Variants in ADAM23 observed in about 807,000 individuals in gnomAD.
The protein encoded by ADAM23 is ADAM metallopeptidase domain 23.
ADAM23 carries 33 observed loss-of-function variants against 120.1 expected under a neutral mutation model. The ratio of observed to expected loss-of-function variants is 0.27; its 90% CI spans 0.21 to 0.37. ADAM23 has a LOEUF of 0.37. Among genes scored for constraint, ADAM23 ranks in the 10% least tolerant of loss-of-function variants. ADAM23 has a pLI of 1.00. For missense variants in ADAM23, 862 were observed against 1,058.2 expected, an observed-to-expected ratio of 0.81 and a Z score of 2.57; for synonymous variants, 367 against 375.2, an observed-to-expected ratio of 0.98 and a Z score of 0.25.
chr2:206,467,691 A>G (rs372524654), intron 2 of ADAM23, among the ~76,000 whole-genome samples: 2 of 152,162 alleles, frequency 1.3e-5, no homozygotes, highest in Admixed American at 6.5e-5. Flanking sequence ...TCACAGCTCA[A>G]CTAGGCAGTA....
At chr2:206,608,747 C>A (rs576402264) in intron 24 of ADAM23, among the ~76,000 whole-genome samples, 1 of 152,044 alleles carries the variant, frequency 6.6e-6, no homozygotes, top group African/African-American at 2.4e-5. Context: ...CGAATAAAAA[C>A]ACATTATGCA....
intron 21 of ADAM23, among the ~76,000 whole-genome samples, chr2:206,590,317 T>C (rs1216298719): frequency 6.6e-6 from 1 of 152,112 alleles, no homozygotes; most frequent in African/African-American, 2.4e-5. Flanking sequence ...AGGCTGGTAT[T>C]GAACTCCTGG....
Position 206,573,111 on chromosome 2 carries a change from G to C in ADAM23, c.1657-4G>C. The C allele has an allele frequency of 6.2e-7, 1 of 1,613,786 alleles. No individual in the cohort carries two copies. The highest frequency in any genetic ancestry group is 8.5e-7 in the Non-Finnish European group (1 of 1,179,742). On this transcript the variant is annotated splice_polypyrimidine_tract_variant and splice_region_variant and intron_variant, in intron 17 of 25. Transcript: ENST00000264377. The stretch of plus-strand genomic sequence containing the variant: ...AACTCTTAATATTGAATTTTGATTT[G>C]CAGTTTCAGCCACGAGGGTATGAAT...
chr2:206,501,097 G>T (rs1034369586), intron 3 of ADAM23, among the ~76,000 whole-genome samples: 1 of 151,858 alleles, frequency 6.6e-6, no homozygotes, highest in Non-Finnish European at 1.5e-5. Context: ...CAGTGAAAAC[G>T]ATTACATGTA....
intron 6 of ADAM23, among the ~76,000 whole-genome samples, chr2:206,544,980 T>C (rs1324502604): frequency 6.6e-6 from 1 of 151,788 alleles, no homozygotes; most frequent in Non-Finnish European, 1.5e-5. Flanking sequence ...GCCTAGGGTG[T>C]TCGAGGAGCT....
chr2:206,469,910 A>G (rs777222084), intron 2 of ADAM23, among the ~76,000 whole-genome samples: 7 of 152,196 alleles, frequency 4.6e-5, no homozygotes, highest in Non-Finnish European at 5.9e-5. Flanking sequence ...CTCAAATATC[A>G]GCTTTTCAAA....
chr2:206,509,700 T>C (rs751678316), intron 3 of ADAM23, among the ~76,000 whole-genome samples: 8 of 152,244 alleles, frequency 5.3e-5, no homozygotes, highest in Non-Finnish European at 1.0e-4. Context: ...CCGCCGGCCT[T>C]GGCCTCCCAA....
intron 2 of ADAM23, among the ~76,000 whole-genome samples, chr2:206,454,971 AC>A (rs1345920673): frequency 6.6e-6 from 1 of 152,136 alleles, no homozygotes; most frequent in Non-Finnish European, 1.5e-5. Context: ...TGATGGATCT[AC>A]CATTCTGAGG....
intron 3 of ADAM23, among the ~76,000 whole-genome samples, chr2:206,523,008 T>G (rs1024172449): frequency 1.3e-5 from 2 of 152,268 alleles, no homozygotes; most frequent in East Asian, 1.9e-4. Context: ...TATTTAAAGA[T>G]TTTTCTTCTG....
At chr2:206,608,623 C>T (rs1305761503) in intron 24 of ADAM23, among the ~76,000 whole-genome samples, 1 of 151,866 alleles carries the variant, frequency 6.6e-6, no homozygotes, top group South Asian at 2.1e-4. Context: ...GTTCTCTAGA[C>T]GGTCAGTGGT....
intron 3 of ADAM23, among the ~76,000 whole-genome samples, chr2:206,529,376 GTTAT>G (rs969704998): frequency 3.9e-5 from 6 of 152,018 alleles, no homozygotes; most frequent in South Asian, 2.1e-4. Context: ...CTTAACCTTT[GTTAT>G]TTATTTATTT....
rs780512013 is a variant in ADAM23 at position 206,445,290 on chromosome 2, C to T, written c.215-17C>T. 1.2e-6 allele frequency: 2 copies of T among 1,603,558 alleles called. No individual in the cohort carries two copies. Among genetic ancestry groups the T allele is most frequent in the South Asian group, 2.2e-5 (2 of 90,460 alleles). On this transcript the variant is annotated splice_polypyrimidine_tract_variant and intron_variant, in intron 1 of 25. Coordinates refer to ENST00000264377, the MANE Select transcript of ADAM23 (RefSeq NM_003812.4). ...ATGTTTGTATTTTCTGCTCCCCCAC[C>T]CCCCTACCTCCACCAGCTCCGCATT...
At chr2:206,610,561 GAAAA>G (rs911376026) in intron 25 of ADAM23, among the ~76,000 whole-genome samples, 5 of 152,200 alleles carry the variant, frequency 3.3e-5, no homozygotes, top group Admixed American at 3.3e-4. Flanking sequence ...ATCAGAATTT[GAAAA>G]ATGTGGCTTT....
chr2:206,582,536 A>G (rs1304195686), intron 18 of ADAM23, among the ~76,000 whole-genome samples: 1 of 152,110 alleles, frequency 6.6e-6, no homozygotes, highest in Non-Finnish European at 1.5e-5. Context: ...CATTACATTC[A>G]ATGTTAGTGT....
intron 25 of ADAM23, among the ~76,000 whole-genome samples, chr2:206,611,220 T>A (rs773525218): frequency 4.6e-5 from 7 of 152,224 alleles, no homozygotes; most frequent in Non-Finnish European, 8.8e-5. Context: ...TATAAAATTA[T>A]ACGTCTTTTC....
Position 206,444,299 on chromosome 2 carries a change from T to A in ADAM23, c.214+219T>A, listed in dbSNP as rs890942437. On this transcript the variant is annotated intron_variant, in intron 1 of 25. Coordinates refer to ENST00000264377, the MANE Select transcript of ADAM23 (RefSeq NM_003812.4). The stretch of plus-strand genomic sequence containing the variant: ...GCATTCGCGAAAAACCCATTCCAAT[T>A]CTTGTTGGTTCCACTGGGAGGTGTT... Among the ~76,000 whole-genome samples the A allele has an allele frequency of 1.3e-5, 2 of 152,212 alleles. 1 individual carries two copies. Among genetic ancestry groups the A allele is most frequent in the African/African-American group, 4.8e-5 (2 of 41,456 alleles).
intron 3 of ADAM23, among the ~76,000 whole-genome samples, chr2:206,530,329 C>G (rs1028740630): frequency 6.6e-6 from 1 of 152,180 alleles, no homozygotes; most frequent in Non-Finnish European, 1.5e-5. Flanking sequence ...CCTAAAATAT[C>G]TACTCCCTGG....
At chr2:206,513,466 C>CAG (rs1373307566) in intron 3 of ADAM23, among the ~76,000 whole-genome samples, 1 of 152,014 alleles carries the variant, frequency 6.6e-6, no homozygotes, top group East Asian at 1.9e-4. Flanking sequence ...TTTATGAAGA[C>CAG]AGAGAGAGAT....
chr2:206,574,835 A>G (rs914628418), intron 18 of ADAM23, among the ~76,000 whole-genome samples: 1 of 152,126 alleles, frequency 6.6e-6, no homozygotes, highest in Non-Finnish European at 1.5e-5. Flanking sequence ...CATAATGTTT[A>G]TGTTTTTAAT....
Sources: allele counts gnomAD v4.1 joint callset (sites outside exome capture counted in the v4.1 genomes callset), GRCh38; gene constraint gnomAD v4.1.1; transcripts MANE v1.5; gene names NCBI Gene and HGNC (gene_info 2026-07-23, HGNC 2026-07-21).